Variants in UGGT2 observed in about 807,000 individuals in gnomAD.
UGGT2 encodes the protein UDP-glucose glycoprotein glucosyltransferase 2, also known as UDP-glucose:glycoprotein glucosyltransferase 2.
UGGT2 carries 180 observed loss-of-function variants against 192.1 expected under a neutral mutation model. The ratio of observed to expected loss-of-function variants is 0.94; its 90% CI spans 0.83 to 1.06. The LOEUF is 1.06. Ranked by LOEUF, UGGT2 falls within the 50% of genes least tolerant of loss-of-function variation. The pLI, the probability that UGGT2 is intolerant of heterozygous loss-of-function variation, is 0.00. For synonymous variants in UGGT2, 580 were observed against 591.0 expected (o/e 0.98, Z 0.27); for missense variants, 1,849 against 1,795.7 (o/e 1.03, Z -0.54).
rs189786045 is a variant in UGGT2, at chr13:95,902,525, C to A, written c.2502+329G>T. Among the ~76,000 whole-genome samples the A allele has an allele frequency of 3.6e-4, 55 of 151,432 alleles. No homozygotes were observed. The East Asian group carries it at 9.4e-3, about 26-fold the overall frequency. On this transcript the variant is annotated intron_variant, in intron 21 of 38. Coordinates refer to ENST00000376747, the MANE Select transcript of UGGT2 (RefSeq NM_020121.4). Reference sequence around the variant, plus strand: ...CTTCAAGAGGATCATCGTTGAAACCCCCCCCATAATGGACCCCTTCAGTGA... The same window carrying A: ...CTTCAAGAGGATCATCGTTGAAACCACCCCCATAATGGACCCCTTCAGTGA...
chr13:95,825,346 C>T (rs1317307972), intron 38 of UGGT2, among the ~76,000 whole-genome samples: 1 of 152,074 alleles, frequency 6.6e-6, no homozygotes, highest in Non-Finnish European at 1.5e-5. Context: ...ATGAAGGTGG[C>T]TGAGGGAGCT....
At chr13:95,900,669 G>T in intron 22 of UGGT2, 138 bp downstream of exon 22, 1 of 816,540 alleles carries the variant, frequency 1.2e-6, no homozygotes, top group Non-Finnish European at 1.8e-6. Context: ...TTTATGCTGA[G>T]TTGTGTCTGG....
chr13:95,874,008 T>C (rs1428294949), intron 29 of UGGT2, among the ~76,000 whole-genome samples: 1 of 152,150 alleles, frequency 6.6e-6, no homozygotes, highest in Non-Finnish European at 1.5e-5. Context: ...CTGCCTTTCA[T>C]TCTTCATTAG....
chr13:95,821,788 A>G (rs1030595011), intron 38 of UGGT2, among the ~76,000 whole-genome samples: 4 of 152,144 alleles, frequency 2.6e-5, no homozygotes, highest in African/African-American at 9.7e-5. Flanking sequence ...GTGGCTTGCA[A>G]GTTTTCCCAG....
chr13:96,020,548 C>A (rs913714445), intron 4 of UGGT2, among the ~76,000 whole-genome samples: 1 of 152,066 alleles, frequency 6.6e-6, no homozygotes, highest in Non-Finnish European at 1.5e-5. Flanking sequence ...TAATCAGAGC[C>A]AAAACAATAA....
At chr13:95,814,262 G>GCACT (rs1408403878) in intron 38 of UGGT2, among the ~76,000 whole-genome samples, 1 of 152,212 alleles carries the variant, frequency 6.6e-6, no homozygotes, top group Non-Finnish European at 1.5e-5. Flanking sequence ...AAAGCTGTAG[G>GCACT]CACTCAACTC....
At chr13:95,992,112 G>A (rs560861744) in intron 7 of UGGT2, among the ~76,000 whole-genome samples, 22 of 152,206 alleles carry the variant, frequency 1.4e-4, no homozygotes, top group African/African-American at 4.6e-4. Context: ...GCAGTGAGCC[G>A]AGATGGCTCC....
intron 1 of UGGT2, among the ~76,000 whole-genome samples, chr13:96,035,493 T>C (rs1369556616): frequency 6.6e-6 from 1 of 152,162 alleles, no homozygotes; most frequent in East Asian, 1.9e-4. Flanking sequence ...ATTCAGGACA[T>C]AGACACAAGC....
intron 38 of UGGT2, among the ~76,000 whole-genome samples, chr13:95,832,473 A>G (rs952578254): frequency 6.6e-6 from 1 of 152,180 alleles, no homozygotes; most frequent in African/African-American, 2.4e-5. Context: ...CCCATGATTA[A>G]ACATACTAGA....
At chr13:95,851,768 G>A (rs1410331732) in intron 36 of UGGT2, among the ~76,000 whole-genome samples, 1 of 152,180 alleles carries the variant, frequency 6.6e-6, no homozygotes, top group Non-Finnish European at 1.5e-5. Flanking sequence ...CCAAAATGTG[G>A]TAATGTAGTA....
rs771020188 is a variant in UGGT2 at position 96,053,336 on chromosome 13, C to A, written c.-24G>T. The A allele has an allele frequency of 7.6e-6, 12 of 1,576,060 alleles. No homozygotes were observed. Among genetic ancestry groups the A allele is most frequent in the African/African-American group, 1.4e-5 (1 of 72,386 alleles). ...ATGGCACGGAGAGAAAAGCGCGAGT[C>A]CCTCGGACCCGGTACCCACAGTCTG... On this transcript the variant is annotated 5_prime_UTR_variant, in exon 1 of 39. Transcript: ENST00000376747.
At chr13:95,847,937 T>TC (rs1219817001) in intron 36 of UGGT2, among the ~76,000 whole-genome samples, 1 of 152,256 alleles carries the variant, frequency 6.6e-6, no homozygotes, top group Non-Finnish European at 1.5e-5. Context: ...GAACGCAAGT[T>TC]CCTCTTGCTC....
At chr13:95,891,551 G>GAA (rs1447271384) in intron 24 of UGGT2, among the ~76,000 whole-genome samples, 6 of 152,012 alleles carry the variant, frequency 3.9e-5, no homozygotes, top group African/African-American at 1.4e-4. Context: ...AGGGAAATGA[G>GAA]AAAATGATTA....
chr13:95,894,751 G>T, intron 23 of UGGT2, 94 bp from the exon 24 acceptor site: 1 of 1,034,046 alleles, frequency 9.7e-7, no homozygotes, highest in Non-Finnish European at 1.5e-6. Flanking sequence ...TTATATATCT[G>T]AACATGGTTA....
At chr13:95,959,145 T>TA (rs1486460557) in intron 12 of UGGT2, among the ~76,000 whole-genome samples, 2 of 152,160 alleles carry the variant, frequency 1.3e-5, no homozygotes, top group Non-Finnish European at 2.9e-5. Context: ...CATTCCCTGC[T>TA]AGGGCCAAGG....
At chr13:95,846,043 A>C (rs1888399402) in intron 36 of UGGT2, among the ~76,000 whole-genome samples, 1 of 152,146 alleles carries the variant, frequency 6.6e-6, no homozygotes, top group Non-Finnish European at 1.5e-5. Flanking sequence ...CAGAGGCTGC[A>C]ATCTCGGCAC....
rs761370972 is a variant in UGGT2 at position 95,837,172 on chromosome 13, C to A, written c.4315G>T (p.Ala1439Ser). Reference protein sequence around the residue: ...DLPNNMIYQVAIKSLPQDWLW... With the variant: ...DLPNNMIYQVSIKSLPQDWLW... ...CAGTCTTGAGGAAGAGACTTAATGG[C>A]GACTTGGTAAATCATATTATTGGGG... Residue 1439 changes from alanine (A) to serine (S), a missense_variant, in exon 37 of 39, where the codon GCC becomes TCC. Transcript: ENST00000376747. The A allele has an allele frequency of 4.3e-6, 7 of 1,613,652 alleles. No homozygotes were observed. The highest frequency in any genetic ancestry group is 4.5e-5 in the East Asian group (2 of 44,864).
chr13:95,951,652 A>C (rs1175056637), intron 12 of UGGT2, among the ~76,000 whole-genome samples: 1 of 152,242 alleles, frequency 6.6e-6, no homozygotes, highest in African/African-American at 2.4e-5. Context: ...TTAATAACCT[A>C]TAAGTACAGA....
At position 95,932,496 on chromosome 13, in the gene UGGT2, G is replaced by A. The variant is rs769140336; in HGVS notation, c.1977+4428C>T. ...AATTTATCAGTTCTAGGAGTTGTCC[G>A]GTGGAGTCTTTAGGGTTTTCTAGGT... On this transcript the variant is annotated intron_variant, in intron 17 of 38. Coordinates refer to ENST00000376747, the MANE Select transcript of UGGT2 (RefSeq NM_020121.4). Among the ~76,000 whole-genome samples, 9 of 152,100 alleles carry A rather than the reference G, an allele frequency of 5.9e-5. 1 individual carries two copies. Among genetic ancestry groups the A allele is most frequent in the South Asian group, 4.2e-4 (2 of 4,814 alleles).
Sources: allele counts gnomAD v4.1 joint callset (sites outside exome capture counted in the v4.1 genomes callset), GRCh38; gene constraint gnomAD v4.1.1; transcripts MANE v1.5; gene names NCBI Gene and HGNC (gene_info 2026-07-23, HGNC 2026-07-21).